CACNA2D3: variants seen among roughly 807,000 people sequenced by gnomAD.
CACNA2D3 encodes the protein voltage-dependent calcium channel subunit alpha-2/delta-3.
CACNA2D3 carries 60 observed loss-of-function variants against 160.6 expected under a neutral mutation model. The observed-to-expected ratio is 0.37, with a 90% CI of 0.30 to 0.46. CACNA2D3 has a LOEUF of 0.46. Among genes scored for constraint, CACNA2D3 ranks in the 20% least tolerant of loss-of-function variants. CACNA2D3 has a pLI of 1.00. For missense variants in CACNA2D3, 1,205 were observed against 1,365.0 expected (o/e 0.88, Z 1.85); for synonymous variants, 558 against 492.9 (o/e 1.13, Z -1.75).
chr3:54,789,732 G>A (rs771567149), intron 13 of CACNA2D3: 2 of 453,840 alleles, frequency 4.4e-6, no homozygotes, highest in Non-Finnish European at 8.9e-6. Flanking sequence ...AGTTGTCAGA[G>A]CTTTCTCTAA....
chr3:54,907,393 C>T (rs1288149635), intron 27 of CACNA2D3, among the ~76,000 whole-genome samples: 1 of 152,096 alleles, frequency 6.6e-6, no homozygotes, highest in Non-Finnish European at 1.5e-5. Flanking sequence ...AAGGAATTAA[C>T]CAATACTGGA....
intron 2 of CACNA2D3, among the ~76,000 whole-genome samples, chr3:54,226,021 C>T (rs954910475): frequency 6.6e-6 from 1 of 152,094 alleles, no homozygotes; most frequent in Non-Finnish European, 1.5e-5. Context: ...TTCTGACTGG[C>T]CCTTACCAGC....
chr3:54,680,138 C>T (rs1224075367), intron 11 of CACNA2D3, among the ~76,000 whole-genome samples: 1 of 151,968 alleles, frequency 6.6e-6, no homozygotes, highest in African/African-American at 2.4e-5. Flanking sequence ...TGTAAAATAG[C>T]CTCCAGATTC....
intron 2 of CACNA2D3, among the ~76,000 whole-genome samples, chr3:54,180,011 A>T (rs566177766): frequency 2.4e-4 from 37 of 151,250 alleles, no homozygotes; most frequent in African/African-American, 8.5e-4. Flanking sequence ...ATTTCTGAGA[A>T]GGTTTCATTT....
intron 2 of CACNA2D3, among the ~76,000 whole-genome samples, chr3:54,313,789 G>A (rs1473544506): frequency 6.9e-6 from 1 of 145,740 alleles, no homozygotes; most frequent in African/African-American, 2.5e-5. Context: ...TGCAAGATAG[G>A]AGTCACTGCC....
intron 4 of CACNA2D3, among the ~76,000 whole-genome samples, chr3:54,470,565 A>T (rs1700712293): frequency 6.6e-6 from 1 of 152,238 alleles, no homozygotes; most frequent in African/African-American, 2.4e-5. Context: ...TAATGAAAGG[A>T]TCAAATTCCT....
At chr3:54,832,011 TCACACACACACACACACACA>T (rs60020847) in intron 14 of CACNA2D3, among the ~76,000 whole-genome samples, 1 of 118,862 alleles carries the variant, frequency 8.4e-6, no homozygotes, top group Non-Finnish European at 1.7e-5. Flanking sequence ...CTCTTCTCTG[TCACACACACACACACACACA>T]CACACACACA....
At chr3:54,665,710 T>G (rs911150697) in intron 11 of CACNA2D3, among the ~76,000 whole-genome samples, 32 of 151,996 alleles carry the variant, frequency 2.1e-4, no homozygotes, top group African/African-American at 6.3e-4. Flanking sequence ...GGCCCCAAAT[T>G]TTATGAACTG....
At chr3:54,354,534 C>G (rs1422453208) in intron 3 of CACNA2D3, among the ~76,000 whole-genome samples, 1 of 152,092 alleles carries the variant, frequency 6.6e-6, no homozygotes, top group Non-Finnish European at 1.5e-5. Flanking sequence ...ATCCAAGGGC[C>G]CCTCCTGAGT....
intron 14 of CACNA2D3, among the ~76,000 whole-genome samples, chr3:54,836,226 C>CTTTTTTTTTTTTTTTTTTT (rs71096454): frequency 1.4e-4 from 13 of 92,702 alleles, no homozygotes; most frequent in South Asian, 3.8e-4. Context: ...TTTTTTTTTT[C>CTTTTTTTTTTTTTTTTTTT]TTTTTTTTTT....
chr3:54,165,904 AT>A (rs1700446410), intron 2 of CACNA2D3, among the ~76,000 whole-genome samples: 1 of 152,212 alleles, frequency 6.6e-6, no homozygotes. Context: ...ATGGGATGGT[AT>A]AGAGGCAACC....
At chr3:54,765,884 A>G (rs1283823189) in intron 13 of CACNA2D3, among the ~76,000 whole-genome samples, 1 of 152,190 alleles carries the variant, frequency 6.6e-6, no homozygotes, top group African/African-American at 2.4e-5. Context: ...GCTTTGTAAT[A>G]GATGCTTTTG....
chr3:54,148,836 G>A (rs1038732959), intron 2 of CACNA2D3, among the ~76,000 whole-genome samples: 3 of 152,110 alleles, frequency 2.0e-5, no homozygotes, highest in Non-Finnish European at 4.4e-5. Flanking sequence ...AATTAGCCGG[G>A]TGTGGTGGTG....
At chr3:54,361,970 A>G (rs1698750917) in intron 3 of CACNA2D3, among the ~76,000 whole-genome samples, 1 of 152,346 alleles carries the variant, frequency 6.6e-6, no homozygotes. Flanking sequence ...AAGACTAACC[A>G]TCAACATGAG....
chr3:54,300,667 T>C lies in CACNA2D3; in HGVS notation c.205-19775T>C, dbSNP rs1273247269. 2.6e-5 allele frequency among the ~76,000 whole-genome samples: 4 copies of C among 152,206 alleles called. No homozygotes were observed. In the East Asian group the frequency reaches 7.7e-4, roughly 29 times the overall value. ...AGTATAAGTATGACCAATAATGTCA[T>C]TGTCACCAATTCTGATTTTGGATGA... is the stretch of plus-strand genomic sequence containing the variant. On this transcript the variant is annotated intron_variant, in intron 2 of 37. Coordinates refer to ENST00000474759, the MANE Select transcript of CACNA2D3 (RefSeq NM_018398.3).
At chr3:54,255,877 T>G (rs2107432108) in intron 2 of CACNA2D3, among the ~76,000 whole-genome samples, 1 of 152,256 alleles carries the variant, frequency 6.6e-6, no homozygotes, top group African/African-American at 2.4e-5. Context: ...ATTAATCATT[T>G]TACCCCCCTG....
intron 17 of CACNA2D3, among the ~76,000 whole-genome samples, chr3:54,859,972 G>GCGCGCACACACACACACA (rs535185040): frequency 2.5e-4 from 33 of 133,786 alleles, no homozygotes; most frequent in East Asian, 1.1e-3. Flanking sequence ...GAAAGTAGAT[G>GCGCGCACACACACACACA]CACACACACA....
At chr3:54,957,095 AT>A (rs1701916424) in intron 27 of CACNA2D3, among the ~76,000 whole-genome samples, 1 of 152,302 alleles carries the variant, frequency 6.6e-6, no homozygotes, top group South Asian at 2.1e-4. Context: ...AATGGGATTA[AT>A]TATGATTATT....
At chr3:54,594,654 G>A (rs28438854) in intron 9 of CACNA2D3, among the ~76,000 whole-genome samples, 19,092 of 152,220 alleles carry the variant, frequency 0.13, 3,707 homozygotes, top group African/African-American at 0.42. Flanking sequence ...GTGTTTAACT[G>A]GAGGGCAAGA....
Sources: allele counts gnomAD v4.1 joint callset (sites outside exome capture counted in the v4.1 genomes callset), GRCh38; gene constraint gnomAD v4.1.1; transcripts MANE v1.5; gene names NCBI Gene and HGNC (gene_info 2026-07-23, HGNC 2026-07-21).